Variants in SORT1 observed in about 807,000 individuals in gnomAD.
The protein encoded by SORT1 is sortilin.
In SORT1, 39 loss-of-function variants were observed where a neutral mutation model predicts 101.7. The ratio of observed to expected loss-of-function variants is 0.38; its 90% CI spans 0.30 to 0.50. The LOEUF is 0.50. Ranked by LOEUF, SORT1 falls within the 20% of genes least tolerant of loss-of-function variation. The pLI, the probability that SORT1 is intolerant of heterozygous loss-of-function variation, is 0.90. For synonymous variants in SORT1, 396 were observed against 393.7 expected (o/e 1.01, Z -0.07); for missense variants, 878 against 1,040.4 (o/e 0.84, Z 2.15).
chr1:109,373,707 T>C (rs1308014035), intron 1 of SORT1, among the ~76,000 whole-genome samples: 2 of 152,182 alleles, frequency 1.3e-5, no homozygotes, highest in Non-Finnish European at 2.9e-5. Flanking sequence ...TAACCAGTGT[T>C]CCAGAACAAA....
At chr1:109,339,177 ACT>A (rs1649047936) in intron 10 of SORT1, among the ~76,000 whole-genome samples, 1 of 151,810 alleles carries the variant, frequency 6.6e-6, no homozygotes, top group Non-Finnish European at 1.5e-5. Flanking sequence ...GCGCCCAGCG[ACT>A]CTGATACTTT....
Position 109,397,664 on chromosome 1 carries a change from G to T in SORT1, c.229C>A (p.Arg77Ser), listed in dbSNP as rs1452923717. 4 of 1,213,936 alleles carry T rather than the reference G, an allele frequency of 3.3e-6. No individual in the cohort carries two copies. Among genetic ancestry groups the T allele is most frequent in the Non-Finnish European group, 4.1e-6 (4 of 972,996 alleles). The allele number at this position is 1,213,936 out of a possible 1,614,324, so 75.2% of individuals were successfully genotyped here. ...GAFPRGGRWR[R>S]SAPGEDEECG... ...TCCTCGTCCTCGCCCGGCGCGCTGC[G>T]ACGCCAACGGCCGCCGCGGGGAAAC... The change falls in exon 1 of 20, where the codon CGC becomes AGC. Residue 77 changes from arginine (R) to serine (S), a missense_variant. Arg to Ser is a moderately radical substitution (Grantham distance 110). Transcript: ENST00000256637.
At chr1:109,347,389 G>A in intron 7 of SORT1, 94 bp downstream of exon 7, 1 of 797,542 alleles carries the variant, frequency 1.3e-6, no homozygotes. Flanking sequence ...CAGGAGAATG[G>A]AGGGACCTTT....
chr1:109,332,605 A>G (rs1375104787), intron 11 of SORT1, among the ~76,000 whole-genome samples: 7 of 152,212 alleles, frequency 4.6e-5, no homozygotes. Context: ...TCACAGAAAT[A>G]GAAAAAATCC....
rs938462039 is a variant in SORT1 at position 109,312,486 on chromosome 1, T to C, written c.*1557A>G. 2 of 146,942 alleles carry C rather than the reference T, an allele frequency of 1.4e-5. No homozygotes were observed. Among genetic ancestry groups the C allele is most frequent in the African/African-American group, 5.0e-5 (2 of 39,612 alleles). The allele number at this position is 146,942 out of a possible 1,614,324, so 9.1% of individuals were successfully genotyped here. Reference sequence around the variant, plus strand: ...AGAACTTAGCCATCTGCTCACATTCTGACTAAAGTTAATTTGGCACTTCAA... The same window carrying C: ...AGAACTTAGCCATCTGCTCACATTCCGACTAAAGTTAATTTGGCACTTCAA... On this transcript the variant is annotated 3_prime_UTR_variant, in exon 20 of 20. Coordinates refer to ENST00000256637, the MANE Select transcript of SORT1 (RefSeq NM_002959.7).
intron 3 of SORT1, among the ~76,000 whole-genome samples, chr1:109,362,462 T>G (rs980268785): frequency 6.6e-6 from 1 of 152,204 alleles, no homozygotes; most frequent in African/African-American, 2.4e-5. Context: ...TGCTGGGTAA[T>G]ATTGGCAAGA....
At chr1:109,331,953 A>G (rs546861273) in intron 11 of SORT1, among the ~76,000 whole-genome samples, 1 of 151,684 alleles carries the variant, frequency 6.6e-6, no homozygotes, top group African/African-American at 2.4e-5. Flanking sequence ...AAAAAAAAAA[A>G]ACAAAAAAAA....
At chr1:109,351,156 T>C (rs911555170) in intron 5 of SORT1, among the ~76,000 whole-genome samples, 154 bp from the exon 6 acceptor site, 37 of 152,182 alleles carry the variant, frequency 2.4e-4, no homozygotes, top group African/African-American at 8.9e-4. Context: ...ACACACGTAG[T>C]TTATCTGGGC....
chr1:109,369,145 A>C (rs1651301959), intron 2 of SORT1, among the ~76,000 whole-genome samples: 1 of 152,076 alleles, frequency 6.6e-6, no homozygotes, highest in Non-Finnish European at 1.5e-5. Flanking sequence ...ACATGGTGAA[A>C]CCTCATCTTC....
chr1:109,348,230 G>A (rs1649726633), intron 6 of SORT1, among the ~76,000 whole-genome samples: 1 of 152,008 alleles, frequency 6.6e-6, no homozygotes. Flanking sequence ...AGTTTGCAGG[G>A]AACTAGATTC....
At chr1:109,388,355 C>A (rs2101656717) in intron 1 of SORT1, among the ~76,000 whole-genome samples, 1 of 152,226 alleles carries the variant, frequency 6.6e-6, no homozygotes, top group Non-Finnish European at 1.5e-5. Flanking sequence ...CCCCTCACCT[C>A]AGACTCTTGT....
chr1:109,321,939 C>T lies in SORT1; in HGVS notation c.2024+993G>A, dbSNP rs114570757. On this transcript the variant is annotated intron_variant, in intron 15 of 19. Coordinates refer to ENST00000256637, the MANE Select transcript of SORT1 (RefSeq NM_002959.7). ...TGGATGGTCCTGAACTCTAGGGAGT[C>T]CACTTTGATGGCCTCTAAACCTTGA... is the stretch of plus-strand genomic sequence containing the variant. Among the ~76,000 whole-genome samples, 420 of 152,242 alleles carry T rather than the reference C, an allele frequency of 2.8e-3. 2 individuals carry two copies. Among genetic ancestry groups the T allele is most frequent in the Non-Finnish European group, 4.7e-3 (321 of 67,994 alleles).
intron 15 of SORT1, 27 bp from the exon 16 acceptor site, chr1:109,317,996 T>A: frequency 2.1e-6 from 3 of 1,446,366 alleles, no homozygotes; most frequent in Non-Finnish European, 2.9e-6. Flanking sequence ...ATAAAGTACC[T>A]TTCAAAGCAG....
intron 10 of SORT1, among the ~76,000 whole-genome samples, chr1:109,339,391 A>C (rs749440300): frequency 6.6e-5 from 10 of 152,224 alleles, no homozygotes; most frequent in Non-Finnish European, 8.8e-5. Context: ...GCACCAGAGG[A>C]GCATCAGTGA....
At chr1:109,333,365 T>C (rs532015332) in intron 11 of SORT1, among the ~76,000 whole-genome samples, 11 of 152,332 alleles carry the variant, frequency 7.2e-5, no homozygotes, top group Admixed American at 3.3e-4. Context: ...AATGGCTTTT[T>C]GGATACGACC....
rs1032726177 is a variant in SORT1, at chr1:109,393,158, G to GCAAA, written c.306+4425_306+4428dup. On this transcript the variant is annotated intron_variant, in intron 1 of 19. Transcript: ENST00000256637. The stretch of plus-strand genomic sequence containing the variant: ...CTTGGACTCAACCCTGCCAGAGCCA[G>GCAAA]CAAACAAACACACGCATTCTTCCCA... 9.1e-6 allele frequency: 9 copies of GCAAA among 985,318 alleles called. No homozygotes were observed. In the Admixed American group the frequency reaches 5.5e-4, roughly 61 times the overall value. 61.0% of individuals were successfully genotyped at this position (985,318 alleles called of 1,614,324 possible).
chr1:109,355,332 A>G, intron 4 of SORT1, 35 bp downstream of exon 4: 1 of 1,042,886 alleles, frequency 9.6e-7, no homozygotes, highest in South Asian at 1.3e-5. Context: ...TGTGGTATCA[A>G]GCACAAGCTT....
intron 13 of SORT1, among the ~76,000 whole-genome samples, chr1:109,326,558 TACACACACACACATACATATATAC>T (rs1648089163): frequency 6.9e-6 from 1 of 145,016 alleles, no homozygotes; most frequent in South Asian, 2.2e-4. Flanking sequence ...CACATATATA[TACACACACACACATACATATATAC>T]ACACACACAT....
intron 5 of SORT1, 50 bp downstream of exon 5, chr1:109,354,317 T>G: frequency 7.0e-7 from 1 of 1,429,582 alleles, no homozygotes; most frequent in Non-Finnish European, 9.8e-7. Context: ...GACAGTACAT[T>G]TGAGACTATA....
Sources: allele counts gnomAD v4.1 joint callset (sites outside exome capture counted in the v4.1 genomes callset), GRCh38; gene constraint gnomAD v4.1.1; transcripts MANE v1.5; gene names NCBI Gene and HGNC (gene_info 2026-07-23, HGNC 2026-07-21).